The following CD55 variants were observed in gnomAD, a reference collection of about 807,000 sequenced individuals.
The protein encoded by CD55 is CD55 molecule (Cromer blood group).
In CD55, 41 loss-of-function variants were observed where a neutral mutation model predicts 45.8. The ratio of observed to expected loss-of-function variants is 0.90; its 90% confidence interval spans 0.70 to 1.16. CD55 has a LOEUF of 1.16. Ranked by LOEUF, CD55 falls within the 50% of genes most tolerant of loss-of-function variation. CD55 has a pLI of 0.00. For synonymous variants in CD55, 181 were observed against 181.1 expected, an observed-to-expected ratio of 1.00 and a Z score of 0.01; for missense variants, 416 against 469.8, an observed-to-expected ratio of 0.89 and a Z score of 1.06.
chr1:207,354,772 T>TAA (rs1656014300), intron 9 of CD55, among the ~76,000 whole-genome samples: 1 of 152,200 alleles, frequency 6.6e-6, no homozygotes, highest in African/African-American at 2.4e-5. Flanking sequence ...ACTGAGAAGA[T>TAA]ACGTAGAATT....
intron 5 of CD55, 79 bp downstream of exon 5, chr1:207,326,916 ATT>A (rs1654712841): frequency 2.0e-6 from 2 of 1,005,668 alleles, no homozygotes; most frequent in African/African-American, 3.2e-5. Context: ...CCTTAAGAAT[ATT>A]AGCACAGTGT....
At chr1:207,348,123 A>C (rs1338636855) in intron 9 of CD55, among the ~76,000 whole-genome samples, 1 of 152,152 alleles carries the variant, frequency 6.6e-6, no homozygotes, top group Non-Finnish European at 1.5e-5. Context: ...TGGTGGTTCT[A>C]AGTTCTTTGA....
At chr1:207,335,066 TAAG>T (rs1297390543) in intron 6 of CD55, among the ~76,000 whole-genome samples, 2 of 152,278 alleles carry the variant, frequency 1.3e-5, no homozygotes, top group African/African-American at 2.4e-5. Flanking sequence ...TTCATAATGA[TAAG>T]GAGGCCAACT....
chr1:207,335,532 G>T (rs1371176478), intron 6 of CD55, among the ~76,000 whole-genome samples: 2 of 152,156 alleles, frequency 1.3e-5, no homozygotes, highest in Non-Finnish European at 2.9e-5. Flanking sequence ...TCAAAACTGA[G>T]AACTAACTTG....
chr1:207,334,828 C>T (rs1247647157), intron 6 of CD55, among the ~76,000 whole-genome samples: 1 of 151,642 alleles, frequency 6.6e-6, no homozygotes, highest in Non-Finnish European at 1.5e-5. Flanking sequence ...TGATATAAAC[C>T]CAAGTATGTC....
chr1:207,349,188 T>G (rs1307691401), intron 9 of CD55, among the ~76,000 whole-genome samples: 1 of 142,390 alleles, frequency 7.0e-6, no homozygotes, highest in Admixed American at 6.8e-5. Context: ...TTGTATTAAT[T>G]TTTTTTTTTT....
intron 9 of CD55, among the ~76,000 whole-genome samples, chr1:207,351,165 TCTTCC>T (rs1655853096): frequency 6.6e-6 from 1 of 152,166 alleles, no homozygotes. Context: ...TTTTAAGAGA[TCTTCC>T]TGGTATTGAT....
intron 5 of CD55, 86 bp downstream of exon 5, chr1:207,326,923 CA>C: frequency 1.0e-6 from 1 of 960,202 alleles, no homozygotes; most frequent in Non-Finnish European, 1.6e-6. Flanking sequence ...AATATTAGCA[CA>C]GTGTGTATTT....
At chr1:207,339,018 G>A (rs559928264) in intron 8 of CD55, among the ~76,000 whole-genome samples, 1 of 152,236 alleles carries the variant, frequency 6.6e-6, no homozygotes, top group Admixed American at 6.5e-5. Flanking sequence ...TGCTAAAAGG[G>A]ACTTAGTCGT....
At chr1:207,350,880 C>A in intron 9 of CD55, among the ~76,000 whole-genome samples, 1 of 151,302 alleles carries the variant, frequency 6.6e-6, no homozygotes, top group Non-Finnish European at 1.5e-5. Flanking sequence ...TATTTTTTTT[C>A]TTCTGCTAGC....
chr1:207,348,089 C>T (rs12140999), intron 9 of CD55, among the ~76,000 whole-genome samples: 55,536 of 151,976 alleles, frequency 0.37, 11,329 homozygotes, highest in Middle Eastern at 0.52. Context: ...GGTATATACC[C>T]AATAATGAGA....
At chr1:207,326,619 G>T in intron 4 of CD55, 133 bp from the exon 5 acceptor site, 2 of 672,072 alleles carry the variant, frequency 3.0e-6, no homozygotes, top group Non-Finnish European at 5.2e-6. Flanking sequence ...CTACTGTGTG[G>T]ACTTTTATCA....
At chr1:207,349,762 T>C (rs1418694472) in intron 9 of CD55, among the ~76,000 whole-genome samples, 1 of 152,180 alleles carries the variant, frequency 6.6e-6, no homozygotes, top group African/African-American at 2.4e-5. Context: ...CTAAAAGCTT[T>C]TGGGCAGACT....
Position 207,321,708 on chromosome 1 carries a change from G to A in CD55, c.-58G>A, listed in dbSNP as rs1654405488. The A allele has an allele frequency of 1.5e-6, 2 of 1,299,334 alleles. No homozygotes were observed. The highest frequency in any genetic ancestry group is 1.0e-6 in the Non-Finnish European group (1 of 967,324). The allele number at this position is 1,299,334 out of a possible 1,614,324, so 80.5% of individuals were successfully genotyped here. On this transcript the variant is annotated 5_prime_UTR_variant, in exon 1 of 10. Coordinates refer to ENST00000367064, the MANE Select transcript of CD55 (RefSeq NM_000574.5). ...TACTGCAACTCGCTCCGGCCGCTGG[G>A]CGTAGCTGCGACTCGGCGGAGTCCC...
chr1:207,352,601 G>C (rs1655910855), intron 9 of CD55, among the ~76,000 whole-genome samples: 1 of 151,992 alleles, frequency 6.6e-6, no homozygotes, highest in African/African-American at 2.4e-5. Context: ...TAATCTCTCT[G>C]AGACTCAGTT....
At chr1:207,327,404 G>A (rs567397704) in intron 5 of CD55, among the ~76,000 whole-genome samples, 5 of 152,138 alleles carry the variant, frequency 3.3e-5, no homozygotes, top group Admixed American at 2.0e-4. Context: ...AGCTTATACC[G>A]TCAAGAAGAA....
intron 9 of CD55, among the ~76,000 whole-genome samples, chr1:207,346,850 C>T (rs1490161292): frequency 6.6e-6 from 1 of 152,132 alleles, no homozygotes; most frequent in Non-Finnish European, 1.5e-5. Context: ...ACACTGTCTC[C>T]AGGCAGCTTC....
At chr1:207,339,837 A>G (rs1655342517) in intron 9 of CD55, among the ~76,000 whole-genome samples, 1 of 152,204 alleles carries the variant, frequency 6.6e-6, no homozygotes, top group Admixed American at 6.5e-5. Flanking sequence ...ATAATTTTTT[A>G]ATTGATACAT....
chr1:207,344,794 C>A (rs1334977943), intron 9 of CD55, among the ~76,000 whole-genome samples: 1 of 152,010 alleles, frequency 6.6e-6, no homozygotes, highest in African/African-American at 2.4e-5. Context: ...CTCACTGCAG[C>A]CTCTGCCTCC....
Sources: allele counts gnomAD v4.1 joint callset (sites outside exome capture counted in the v4.1 genomes callset), GRCh38; gene constraint gnomAD v4.1.1; transcripts MANE v1.5; gene names NCBI Gene and HGNC (gene_info 2026-07-23, HGNC 2026-07-21).